Variants in GLIS3 observed in about 807,000 individuals in gnomAD.
The protein encoded by GLIS3 is zinc finger protein GLIS3.
Under a neutral mutation model 78.6 loss-of-function variants are expected in GLIS3, and 53 were observed. The ratio of observed to expected loss-of-function variants is 0.67; its 90% CI spans 0.54 to 0.85. The LOEUF is 0.85. Among genes scored for constraint, GLIS3 ranks in the 40% least tolerant of loss-of-function variants. The pLI, the probability that GLIS3 is intolerant of heterozygous loss-of-function variation, is 0.00. For missense variants in GLIS3, 1,703 were observed against 1,231.1 expected, an observed-to-expected ratio of 1.38 and a Z score of -5.74; for synonymous variants, 684 against 509.9, an observed-to-expected ratio of 1.34 and a Z score of -4.60.
intron 4 of GLIS3, among the ~76,000 whole-genome samples, chr9:4,095,285 C>G (rs1399019735): frequency 6.6e-6 from 1 of 152,164 alleles, no homozygotes; most frequent in Non-Finnish European, 1.5e-5. Context: ...CGGGTGTCAA[C>G]TCATGCTGTA....
intron 4 of GLIS3, among the ~76,000 whole-genome samples, chr9:4,092,703 A>C (rs1829625276): frequency 6.6e-6 from 1 of 152,094 alleles, no homozygotes. Context: ...CATCTCCCAT[A>C]ATAACAATGC....
rs1183252681 is a variant in GLIS3 at position 4,118,119 on chromosome 9, C to T, written c.1359G>A (p.Pro453=). 1 of 1,514,870 alleles carries T rather than the reference C, an allele frequency of 6.6e-7. No homozygotes were observed. 93.8% of individuals were successfully genotyped at this position (1,514,870 alleles called of 1,614,324 possible). A position where few individuals can be genotyped will look rare whatever the true frequency, so the allele number is the denominator to read the frequency against. Residue 453 remains proline, a synonymous_variant, in exon 4 of 11, where the codon CCG becomes CCA. Transcript: ENST00000381971. The surrounding 1 kb of genome is among the most constrained non-coding windows in gnomAD (Gnocchi z 4.7). ...AAGGGGGTGGGGGGCCTGGGGGCGG[C>T]GGCAGAGGAGGGAGCGGAGGCGCGG... ...LPPAPPLPPL[P]PPPGPPPPYH...
intron 4 of GLIS3, among the ~76,000 whole-genome samples, chr9:3,979,816 G>T (rs1333507606): frequency 1.3e-5 from 2 of 152,158 alleles, no homozygotes; most frequent in Admixed American, 6.5e-5. Context: ...TAATTATTAA[G>T]TTCCAGATGG....
At chr9:4,323,895 TTAAGAAA>T (rs1386546787) in intron 2 of GLIS3, among the ~76,000 whole-genome samples, 1 of 152,238 alleles carries the variant, frequency 6.6e-6, no homozygotes, top group Non-Finnish European at 1.5e-5. Flanking sequence ...ACTAAACATA[TTAAGAAA>T]TAAGTAACTG....
chr9:4,073,066 T>TG (rs1232008055), intron 4 of GLIS3, among the ~76,000 whole-genome samples: 1 of 152,128 alleles, frequency 6.6e-6, no homozygotes, highest in Non-Finnish European at 1.5e-5. Context: ...CACCCCTTTT[T>TG]GGTAAAAATG....
At chr9:4,402,933 TAGAG>T in the GLIS3 span, among the ~76,000 whole-genome samples, 1 of 151,996 alleles carries the variant, frequency 6.6e-6, no homozygotes, top group Non-Finnish European at 1.5e-5. Context: ...TTCCCAAACC[TAGAG>T]AAAGATATCA....
chr9:4,233,256 C>G (rs1343970858), intron 2 of GLIS3, among the ~76,000 whole-genome samples: 2 of 152,220 alleles, frequency 1.3e-5, no homozygotes, highest in African/African-American at 4.8e-5. Context: ...CAAGTTATAG[C>G]TGGCCACTGT....
the GLIS3 span, among the ~76,000 whole-genome samples, chr9:4,390,187 A>C: frequency 7.9e-5 from 12 of 152,200 alleles, no homozygotes; most frequent in Admixed American, 7.8e-4. Flanking sequence ...GTGGAGAATA[A>C]AGTTGGAGGG....
At chr9:4,338,379 C>T (rs1817785434) in intron 2 of GLIS3, among the ~76,000 whole-genome samples, 3 of 132,322 alleles carry the variant, frequency 2.3e-5, no homozygotes, top group East Asian at 2.2e-4. Flanking sequence ...CACACACACA[C>T]ACACACACAT....
chr9:4,034,262 C>G (rs568758386), intron 4 of GLIS3, among the ~76,000 whole-genome samples: 1 of 152,120 alleles, frequency 6.6e-6, no homozygotes, highest in African/African-American at 2.4e-5. Flanking sequence ...TTTATTAATT[C>G]TATCAAGGCA....
At chr9:4,231,576 A>G (rs1320685677) in intron 2 of GLIS3, among the ~76,000 whole-genome samples, 1 of 152,242 alleles carries the variant, frequency 6.6e-6, no homozygotes, top group East Asian at 1.9e-4. Context: ...ATGATGGAAC[A>G]GAAAAACATC....
chr9:3,959,306 C>A (rs1259106345), intron 4 of GLIS3, among the ~76,000 whole-genome samples: 2 of 152,222 alleles, frequency 1.3e-5, no homozygotes, highest in Non-Finnish European at 2.9e-5. Context: ...TCACCAGACA[C>A]TGCATTTGCT....
chr9:4,260,673 G>A (rs1389095483), intron 2 of GLIS3, among the ~76,000 whole-genome samples: 2 of 152,024 alleles, frequency 1.3e-5, no homozygotes, highest in African/African-American at 4.8e-5. Flanking sequence ...TTGAACCCGG[G>A]AGGCGGAGGT....
At chr9:4,383,737 C>T in the GLIS3 span, among the ~76,000 whole-genome samples, 1 of 152,190 alleles carries the variant, frequency 6.6e-6, no homozygotes, top group Non-Finnish European at 1.5e-5. Flanking sequence ...TCCATTTGAA[C>T]ATTTACTTCC....
intron 2 of GLIS3, among the ~76,000 whole-genome samples, chr9:4,196,678 G>A (rs1457643121): frequency 6.6e-6 from 1 of 152,168 alleles, no homozygotes; most frequent in Admixed American, 6.5e-5. Flanking sequence ...CTCCGAACAT[G>A]TCTGAACATC....
chr9:4,150,629 G>C (rs1834604430), intron 2 of GLIS3, among the ~76,000 whole-genome samples: 1 of 152,178 alleles, frequency 6.6e-6, no homozygotes, highest in Non-Finnish European at 1.5e-5. Flanking sequence ...AACCAGAATA[G>C]ATGATGAAAC....
At chr9:4,472,848 G>C in the GLIS3 span, among the ~76,000 whole-genome samples, 1 of 152,048 alleles carries the variant, frequency 6.6e-6, no homozygotes, top group African/African-American at 2.4e-5. Flanking sequence ...GATATTAAAT[G>C]AACTTAGCAA....
intron 4 of GLIS3, among the ~76,000 whole-genome samples, chr9:4,106,433 G>A (rs1364457671): frequency 2.0e-5 from 3 of 152,136 alleles, no homozygotes; most frequent in Non-Finnish European, 4.4e-5. Context: ...CTTGACCCAG[G>A]GCTGTGGTAT....
intron 2 of GLIS3, among the ~76,000 whole-genome samples, chr9:4,254,415 G>A (rs995734226): frequency 1.1e-4 from 16 of 152,200 alleles, no homozygotes; most frequent in Non-Finnish European, 1.5e-5. Flanking sequence ...TACTACTGGT[G>A]GAGAAGACTA....
Sources: gnomAD v4.1 joint callset for allele counts (sites outside exome capture counted in the v4.1 genomes callset) on GRCh38, gnomAD v4.1.1 for gene constraint, Gnocchi (gnomAD v3.1) non-coding constraint, MANE v1.5 for transcripts, NCBI Gene and HGNC (gene_info 2026-07-23, HGNC 2026-07-21) for gene names.